PCDHGB6: variants seen among roughly 807,000 people sequenced by gnomAD.
PCDHGB6 encodes the protein protocadherin gamma-B6.
In PCDHGB6, 51 loss-of-function variants were observed where a neutral mutation model predicts 59.1. The observed-to-expected ratio is 0.86, with a 90% CI of 0.69 to 1.09. The LOEUF is 1.09. PCDHGB6 is among the 50% of genes least tolerant of loss of function. PCDHGB6 has a pLI of 0.00. For synonymous variants in PCDHGB6, 466 were observed against 495.1 expected (o/e 0.94, Z 0.78); for missense variants, 1,148 against 1,205.1 (o/e 0.95, Z 0.70).
intron 2 of PCDHGB6, among the ~76,000 whole-genome samples, chr5:141,503,570 G>T (rs996006002): frequency 3.4e-4 from 50 of 147,216 alleles, no homozygotes; most frequent in African/African-American, 1.2e-3. Context: ...CTGTACTCCA[G>T]CCTGGGTGAC....
In PCDHGB6 at chr5:141,487,715, C is replaced by T. The variant is rs1209272301; in HGVS notation, c.2419-7092C>T. 2.5e-6 allele frequency: 4 copies of T among 1,582,708 alleles called. No individual in the cohort carries two copies. The highest frequency in any genetic ancestry group is 1.8e-5 in the Admixed American group (1 of 54,696). The stretch of plus-strand genomic sequence containing the variant: ...GAGTACTGGCCTCTCAGTAAGTGCC[C>T]ATAGTGATGTCACCATTTTTGTAAG... On this transcript the variant is annotated intron_variant, in intron 1 of 3. Transcript: ENST00000520790. This position sits in a 1 kb window ranked among gnomAD's most constrained non-coding sequence, Gnocchi z 5.0.
chr5:141,486,901 T>A lies in PCDHGB6; in HGVS notation c.2419-7906T>A. The A allele has an allele frequency of 6.2e-7, 1 of 1,614,238 alleles. No homozygotes were observed. Among genetic ancestry groups the A allele is most frequent in the Non-Finnish European group, 8.5e-7 (1 of 1,180,042 alleles). ...CTCGGGCCCGGCCTGGTTCCTTATG[T>A]CCCCAAGCACTGCCTCCATCAGTTG... On this transcript the variant is annotated intron_variant, in intron 1 of 3. Transcript: ENST00000520790. This position sits in a 1 kb window ranked among gnomAD's most constrained non-coding sequence, Gnocchi z 5.0.
chr5:141,461,655 ATTTTAAAG>A (rs2099019832), intron 1 of PCDHGB6, among the ~76,000 whole-genome samples: 1 of 152,022 alleles, frequency 6.6e-6, no homozygotes, highest in African/African-American at 2.4e-5. Flanking sequence ...CCCATGGATT[ATTTTAAAG>A]TTTGTTATTT....
intron 1 of PCDHGB6, chr5:141,421,287 C>T: frequency 1.2e-6 from 2 of 1,613,240 alleles, no homozygotes; most frequent in Non-Finnish European, 1.7e-6. Flanking sequence ...TGTGCATTTT[C>T]CTGGGGACGC....
At chr5:141,422,503 A>G (rs2096653107) in intron 1 of PCDHGB6, 2 of 1,613,924 alleles carry the variant, frequency 1.2e-6, no homozygotes, top group Non-Finnish European at 1.7e-6. Context: ...GTTGACAGCC[A>G]CAGACCAGGG....
In PCDHGB6 at chr5:141,409,546, C is replaced by G; in HGVS notation, c.1344C>G (p.Asn448Lys). ...TGTATGTCGCTGACATCAACGACAA[C>G]GCCCCAGTTTTCGACCAGACGTCCT... ...ITLYVADIND[N>K]APVFDQTSYV... Residue 448 changes from asparagine (N) to lysine (K), a missense_variant, in exon 1 of 4, where the codon AAC becomes AAG. Transcript: ENST00000520790. 6.2e-7 allele frequency: 1 copy of G among 1,613,998 alleles called. No homozygotes were observed. The highest frequency in any genetic ancestry group is 8.5e-7 in the Non-Finnish European group (1 of 1,179,904).
chr5:141,422,543 T>C lies in PCDHGB6; in HGVS notation c.2418+11923T>C, dbSNP rs2096655736. 1 of 1,613,882 alleles carries C rather than the reference T, an allele frequency of 6.2e-7. No homozygotes were observed. Among genetic ancestry groups the C allele is most frequent in the African/African-American group, 1.3e-5 (1 of 74,928 alleles). Reference sequence around the variant, plus strand: ...CCGCCTTTGTCTGCAGAAACTCATGTCTGGCTGAATGTGGCAGATGACAAC... The same window carrying C: ...CCGCCTTTGTCTGCAGAAACTCATGCCTGGCTGAATGTGGCAGATGACAAC... On this transcript the variant is annotated intron_variant, in intron 1 of 3. Coordinates refer to ENST00000520790, the MANE Select transcript of PCDHGB6 (RefSeq NM_018926.3).
chr5:141,454,796 ATTTTTT>A (rs61612330), intron 1 of PCDHGB6, among the ~76,000 whole-genome samples: 41 of 77,454 alleles, frequency 5.3e-4, no homozygotes, highest in African/African-American at 1.7e-3. Context: ...CATGGTTCTA[ATTTTTT>A]TTTTTTTTTT....
intron 1 of PCDHGB6, chr5:141,442,111 C>A: frequency 6.0e-6 from 1 of 166,354 alleles, no homozygotes; most frequent in Non-Finnish European, 1.3e-5. Context: ...CACTACCGCC[C>A]CTCGTCGCCG....
Position 141,494,824 on chromosome 5 carries a change from G to A in PCDHGB6, c.2436G>A (p.Thr812=), listed in dbSNP as rs1423741889. The A allele has an allele frequency of 1.8e-5, 29 of 1,613,924 alleles. No homozygotes were observed. Among genetic ancestry groups the A allele is most frequent in the Non-Finnish European group, 2.4e-5 (28 of 1,180,032 alleles). Residue 812 remains threonine (T), a synonymous_variant, in exon 2 of 4, where the codon ACG becomes ACA. Transcript: ENST00000520790. The part of the protein sequence containing the change: ...ETLTSQAPPN[T]DWRFSQAQRP... ...CTCCACAGCAAGCCCCGCCCAACAC[G>A]GACTGGCGTTTCTCTCAGGCCCAGA...
At chr5:141,506,910 G>C (rs1165112258) in intron 3 of PCDHGB6, among the ~76,000 whole-genome samples, 1 of 152,082 alleles carries the variant, frequency 6.6e-6, no homozygotes, top group Admixed American at 6.5e-5. Context: ...ATCACACCTG[G>C]GCACATACTA....
At position 141,413,874 on chromosome 5, in the gene PCDHGB6, T is replaced by G. The variant is rs1371905896; in HGVS notation, c.2418+3254T>G. ...TCCGATCTGGCACTGTCCTTGTCAG[T>G]GTGACTGTCTTCGATGCAAATGACA... is the stretch of plus-strand genomic sequence containing the variant. On this transcript the variant is annotated intron_variant, in intron 1 of 3. Coordinates refer to ENST00000520790, the MANE Select transcript of PCDHGB6 (RefSeq NM_018926.3). 6 of 1,613,306 alleles carry G rather than the reference T, an allele frequency of 3.7e-6. No homozygotes were observed. In the African/African-American group the frequency reaches 8.0e-5, roughly 22 times the overall value.
rs762476625 is a variant in PCDHGB6 at position 141,420,218 on chromosome 5, C to A, written c.2418+9598C>A. On this transcript the variant is annotated intron_variant, in intron 1 of 3. Coordinates refer to ENST00000520790, the MANE Select transcript of PCDHGB6 (RefSeq NM_018926.3). The stretch of plus-strand genomic sequence containing the variant: ...AGATAACCTCAACAAAGATAGCATG[C>A]TACTGGCTAGCATTTTAACTCCCAG... 4 of 1,608,408 alleles carry A rather than the reference C, an allele frequency of 2.5e-6. No individual in the cohort carries two copies. In the South Asian group the frequency reaches 4.4e-5, roughly 18 times the overall value.
intron 3 of PCDHGB6, among the ~76,000 whole-genome samples, chr5:141,509,429 T>G (rs2099876771): frequency 6.6e-6 from 1 of 151,964 alleles, no homozygotes; most frequent in Non-Finnish European, 1.5e-5. Context: ...TGAGTCAAAC[T>G]CTTGTTTCCT....
rs768079276 is a variant in PCDHGB6, at chr5:141,490,997, G to A, written c.2419-3810G>A. On this transcript the variant is annotated intron_variant, in intron 1 of 3. Transcript: ENST00000520790. The surrounding 1 kb of genome is among the most constrained non-coding windows in gnomAD (Gnocchi z 5.4). ...CGTCTCCCTCGCTCTGCTCCTCCTG[G>A]CTCCTTGGTCACCAAGGTGACAGCC... 1.2e-6 allele frequency: 2 copies of A among 1,614,032 alleles called. No individual in the cohort carries two copies. Among genetic ancestry groups the A allele is most frequent in the Admixed American group, 1.7e-5 (1 of 60,030 alleles).
At position 141,432,325 on chromosome 5, in the gene PCDHGB6, C is replaced by T. The variant is rs752180978; in HGVS notation, c.2418+21705C>T. ...TGTATGCGCTGAGCTCCTTCGACTACGAGCAGTTCCGAGACTTGCAAGTGA... is the reference window on the plus strand; with the variant it reads ...TGTATGCGCTGAGCTCCTTCGACTATGAGCAGTTCCGAGACTTGCAAGTGA... On this transcript the variant is annotated intron_variant, in intron 1 of 3. Coordinates refer to ENST00000520790, the MANE Select transcript of PCDHGB6 (RefSeq NM_018926.3). The surrounding 1 kb of genome is among the most constrained non-coding windows in gnomAD (Gnocchi z 6.0). 68 of 1,614,142 alleles carry T rather than the reference C, an allele frequency of 4.2e-5. No individual in the cohort carries two copies. Among genetic ancestry groups the T allele is most frequent in the Non-Finnish European group, 5.2e-5 (61 of 1,180,050 alleles).
intron 1 of PCDHGB6, chr5:141,419,733 AGGTGCGCATGGTGCGTGCTTTG>A (rs763538035): frequency 1.1e-5 from 18 of 1,613,646 alleles, no homozygotes; most frequent in Non-Finnish European, 1.4e-5. Context: ...CGAACAGGCG[AGGTGCGCATGGTGCGTGCTTTG>A]GGTGACAAGG....
chr5:141,418,740 T>C, intron 1 of PCDHGB6: 1 of 1,613,972 alleles, frequency 6.2e-7, no homozygotes, highest in Admixed American at 1.7e-5. Context: ...GTGTTCTCTC[T>C]GGATTACACT....
intron 1 of PCDHGB6, among the ~76,000 whole-genome samples, chr5:141,464,240 G>A (rs1396190870): frequency 1.3e-5 from 2 of 150,444 alleles, no homozygotes; most frequent in Non-Finnish European, 2.9e-5. Context: ...ACTCCAGCCT[G>A]GGCTACAGAG....
Sources: allele counts gnomAD v4.1 joint callset (sites outside exome capture counted in the v4.1 genomes callset), GRCh38; gene constraint gnomAD v4.1.1; non-coding constraint Gnocchi (gnomAD v3.1); transcripts MANE v1.5; gene names NCBI Gene and HGNC (gene_info 2026-07-23, HGNC 2026-07-21).